The following UGT2A3 variants were observed in gnomAD, a reference collection of about 807,000 sequenced individuals.
UGT2A3 encodes the protein UDP-glucuronosyltransferase 2A3.
A neutral mutation model predicts 44.1 loss-of-function variants in UGT2A3; 55 were observed. The observed-to-expected ratio is 1.25, with a 90% CI of 1.00 to 1.56. The LOEUF (loss-of-function observed/expected upper bound fraction) is 1.56, where lower values mean the gene tolerates loss of function less well. UGT2A3 is among the 40% of genes most tolerant of loss of function. The pLI is 0.00. For missense variants in UGT2A3, 733 were observed against 621.6 expected (o/e 1.18, Z -1.91); for synonymous variants, 243 against 215.1 (o/e 1.13, Z -1.13).
intron 1 of UGT2A3, among the ~76,000 whole-genome samples, chr4:68,947,803 G>A (rs1577857065): frequency 6.6e-6 from 1 of 151,736 alleles, no homozygotes; most frequent in African/African-American, 2.4e-5. Context: ...AATTGTCAAT[G>A]AGCAGCAATA....
At chr4:68,948,476 T>C (rs533092224) in intron 1 of UGT2A3, among the ~76,000 whole-genome samples, 80 of 140,464 alleles carry the variant, frequency 5.7e-4, no homozygotes, top group Admixed American at 1.4e-3. Flanking sequence ...GGTTTTGCTC[T>C]ATCACCTAGG....
rs199912189 is a variant in UGT2A3 at position 68,935,274 on chromosome 4, A to ATG, written c.865-2517_865-2516dup. ...CAAGGAGGTGTGTATGTATGTATGT[A>ATG]TGTATATATATATATATATATATAT... On this transcript the variant is annotated intron_variant, in intron 2 of 5. Transcript: ENST00000251566. Among the ~76,000 whole-genome samples the ATG allele has an allele frequency of 1.8e-3, 36 of 20,044 alleles. 1 individual carries two copies. Among genetic ancestry groups the ATG allele is most frequent in the Middle Eastern group, 0.028 (1 of 36 alleles). The allele number at this position is 20,044 out of a possible 152,430, so 13.1% of individuals were successfully genotyped here.
chr4:68,939,108 A>C (rs1017835613), intron 2 of UGT2A3, among the ~76,000 whole-genome samples: 2 of 152,196 alleles, frequency 1.3e-5, no homozygotes, highest in African/African-American at 4.8e-5. Context: ...AATATCATGA[A>C]AATGGACATA....
chr4:68,944,582 G>C (rs10518057), intron 2 of UGT2A3, among the ~76,000 whole-genome samples: 109,916 of 151,648 alleles, frequency 0.72, 41,632 homozygotes, highest in Non-Finnish European at 0.86. Flanking sequence ...CACTCCAAAA[G>C]AAACCTGCAG....
At chr4:68,945,252 G>A (rs1407640715) in intron 2 of UGT2A3, 54 bp downstream of exon 2, 9 of 1,593,902 alleles carry the variant, frequency 5.6e-6, no homozygotes, top group Non-Finnish European at 7.7e-6. Flanking sequence ...ATCTTTCAAG[G>A]GAAAACAAGT....
rs202233736 is a variant in UGT2A3 at position 68,951,550 on chromosome 4, C to A, written c.211G>T (p.Ala71Ser). ...ATATGGACCACCTCAAATTTCAATG[C>A]AGAAGGCTTCCTGTAGTCAATTAAC... Reference protein sequence around the residue: ...PSLIDYRKPSALKFEVVHMPQ... With the variant: ...PSLIDYRKPSSLKFEVVHMPQ... Residue 71 changes from alanine (A) to serine (S), a missense_variant, in exon 1 of 6, where the codon GCA (alanine) becomes TCA (serine). Transcript: ENST00000251566. 4 of 1,613,004 alleles carry A rather than the reference C, an allele frequency of 2.5e-6. No homozygotes were observed. The highest frequency in any genetic ancestry group is 3.3e-5 in the Admixed American group (2 of 59,840).
At chr4:68,948,338 C>T (rs1476433851) in intron 1 of UGT2A3, among the ~76,000 whole-genome samples, 2 of 151,492 alleles carry the variant, frequency 1.3e-5, no homozygotes, top group African/African-American at 4.8e-5. Context: ...AGGCTTCATG[C>T]AATTGAATAG....
chr4:68,949,580 C>T (rs13144340), intron 1 of UGT2A3, among the ~76,000 whole-genome samples: 73,920 of 151,740 alleles, frequency 0.49, 21,343 homozygotes, highest in Non-Finnish European at 0.67. Flanking sequence ...TACACACTTG[C>T]TGTTGGAAAT....
At chr4:68,941,010 G>A (rs551446234) in intron 2 of UGT2A3, among the ~76,000 whole-genome samples, 16 of 151,778 alleles carry the variant, frequency 1.1e-4, no homozygotes, top group African/African-American at 3.6e-4. Context: ...TGTCATGGAA[G>A]CAGATCCCTC....
At chr4:68,933,809 C>T (rs1191513491) in intron 2 of UGT2A3, among the ~76,000 whole-genome samples, 5 of 152,002 alleles carry the variant, frequency 3.3e-5, no homozygotes, top group Admixed American at 3.3e-4. Context: ...TTTTCATGGT[C>T]ATGATAAGTC....
chr4:68,930,575 C>A lies in UGT2A3; in HGVS notation c.1275G>T (p.Arg425Ser). 1 of 1,612,358 alleles carries A rather than the reference C, an allele frequency of 6.2e-7. No individual in the cohort carries two copies. The highest frequency in any genetic ancestry group is 1.3e-5 in the African/African-American group (1 of 74,922). Residue 425 changes from arginine to serine, a missense_variant, in exon 5 of 6, where the codon AGG (arginine) becomes AGT (serine). Physicochemically the swap from Arg to Ser is moderately radical, Grantham distance 110 (BLOSUM62 -1). Transcript: ENST00000251566. ...AATCGGTAATGACTGTTCTCAAAGCCCTCAGTAAATCTTCGCTTGTCATAG... is the reference window on the plus strand; with the variant it reads ...AATCGGTAATGACTGTTCTCAAAGCACTCAGTAAATCTTCGCTTGTCATAG... Reference protein sequence around the residue: ...FKTMTSEDLLRALRTVITDSS... With the variant: ...FKTMTSEDLLSALRTVITDSS...
intron 1 of UGT2A3, among the ~76,000 whole-genome samples, chr4:68,947,682 C>G (rs965468679): frequency 1.1e-4 from 16 of 151,892 alleles, no homozygotes; most frequent in African/African-American, 3.9e-4. Flanking sequence ...TTACATAAGA[C>G]TTGAAAGTCA....
chr4:68,931,257 C>T lies in UGT2A3; in HGVS notation c.997-15G>A, dbSNP rs781511130. The stretch of plus-strand genomic sequence containing the variant: ...CTCCATAACACCTACGGAAGAAACA[C>T]ATGTATTTCACAGAGTGAACCACAG... On this transcript the variant is annotated splice_polypyrimidine_tract_variant and intron_variant, in intron 3 of 5. Coordinates refer to ENST00000251566, the MANE Select transcript of UGT2A3 (RefSeq NM_024743.4). The T allele has an allele frequency of 3.1e-6, 5 of 1,599,682 alleles. No homozygotes were observed. Among genetic ancestry groups the T allele is most frequent in the African/African-American group, 1.3e-5 (1 of 74,488 alleles).
chr4:68,944,512 T>C (rs1439558513), intron 2 of UGT2A3, among the ~76,000 whole-genome samples: 1 of 151,830 alleles, frequency 6.6e-6, no homozygotes, highest in Non-Finnish European at 1.5e-5. Context: ...CTTTCAACAT[T>C]CCTTGAACTA....
At chr4:68,946,440 TCA>T (rs1041275323) in intron 1 of UGT2A3, among the ~76,000 whole-genome samples, 31 of 151,692 alleles carry the variant, frequency 2.0e-4, no homozygotes, top group Admixed American at 1.8e-3. Flanking sequence ...CTGAAGATAC[TCA>T]GTTTGAAGTT....
In UGT2A3 at chr4:68,945,583, C is replaced by G. The variant is rs1577855608; in HGVS notation, c.716-129G>C. On this transcript the variant is annotated intron_variant, in intron 1 of 5. Transcript: ENST00000251566. Reference sequence around the variant, plus strand: ...CTAGAACAACATGGCTTTTAGACGTCAAATGGAAGGGGGAATTAATGAAAT... The same window carrying G: ...CTAGAACAACATGGCTTTTAGACGTGAAATGGAAGGGGGAATTAATGAAAT... 5 of 476,884 alleles carry G rather than the reference C, an allele frequency of 1.0e-5. No individual in the cohort carries two copies. In the East Asian group the frequency reaches 1.8e-4, roughly 17 times the overall value. The allele number at this position is 476,884 out of a possible 1,614,324, so 29.5% of individuals were successfully genotyped here.
intron 2 of UGT2A3, among the ~76,000 whole-genome samples, chr4:68,935,969 G>A (rs1717936350): frequency 6.6e-6 from 1 of 152,032 alleles, no homozygotes; most frequent in Non-Finnish European, 1.5e-5. Context: ...ATCAGTGATT[G>A]AAGATCAAAT....
intron 1 of UGT2A3, among the ~76,000 whole-genome samples, chr4:68,946,910 T>C (rs898106484): frequency 6.6e-6 from 1 of 151,712 alleles, no homozygotes. Context: ...TAAAAAGGAA[T>C]GCACATACCT....
intron 2 of UGT2A3, among the ~76,000 whole-genome samples, chr4:68,939,337 G>T (rs904159272): frequency 1.3e-5 from 2 of 152,168 alleles, no homozygotes; most frequent in East Asian, 1.9e-4. Flanking sequence ...CATGGTACTG[G>T]TATCAAAACA....
Sources: gnomAD v4.1 joint callset for allele counts (sites outside exome capture counted in the v4.1 genomes callset) on GRCh38, gnomAD v4.1.1 for gene constraint, MANE v1.5 for transcripts, NCBI Gene and HGNC (gene_info 2026-07-23, HGNC 2026-07-21) for gene names.